The following PLCH2 variants were observed in gnomAD, a reference collection of about 807,000 sequenced individuals.
PLCH2 encodes the protein 1-phosphatidylinositol 4,5-bisphosphate phosphodiesterase eta-2.
In PLCH2, 98 loss-of-function variants were observed where a neutral mutation model predicts 134.7. The ratio of observed to expected loss-of-function variants is 0.73; its 90% CI spans 0.62 to 0.86. The LOEUF is 0.86. PLCH2 is among the 40% of genes least tolerant of loss of function. PLCH2 has a pLI of 0.00. For missense variants in PLCH2, 1,994 were observed against 1,986.6 expected (o/e 1.00, Z -0.07); for synonymous variants, 974 against 827.5 (o/e 1.18, Z -3.04).
Position 2,497,587 on chromosome 1 carries a change from C to G in PLCH2, c.2202C>G (p.Leu734=). 6.4e-7 allele frequency: 1 copy of G among 1,560,970 alleles called. No homozygotes were observed. The highest frequency in any genetic ancestry group is 8.7e-7 in the Non-Finnish European group (1 of 1,152,954). Residue 734 remains leucine, a synonymous_variant, in exon 16 of 22, where the codon CTC becomes CTG. Coordinates refer to ENST00000378486, the MANE Select transcript of PLCH2 (RefSeq NM_014638.4). ...CCAACGGTGGCTGCGGCTACGTACT[C>G]AAGCCTGGGTGCATGTGCCAGGGTG... ...FSANGGCGYV[L]KPGCMCQGVF...
chr1:2,499,383 G>T (rs1165234778), intron 19 of PLCH2, among the ~76,000 whole-genome samples, 153 bp downstream of exon 19: 4 of 152,186 alleles, frequency 2.6e-5, no homozygotes, highest in African/African-American at 9.7e-5. Flanking sequence ...GCCAGCCTGG[G>T]GATCTGCGGG....
At chr1:2,489,616 C>G in intron 9 of PLCH2, 144 bp from the exon 10 acceptor site, 1 of 745,170 alleles carries the variant, frequency 1.3e-6, no homozygotes, top group South Asian at 1.7e-5. Flanking sequence ...GCTGGCCAGT[C>G]TGGCCCCTGC....
Position 2,498,382 on chromosome 1 carries a change from C to G in PLCH2, c.2225-141C>G. ...TGCACCCCGAGGTGCCCCCCTGGAC[C>G]ACTGCCTCCCTCCCTCCCCCTGGCA... On this transcript the variant is annotated intron_variant, in intron 16 of 21. Transcript: ENST00000378486. The surrounding 1 kb of genome is among the most constrained non-coding windows in gnomAD (Gnocchi z 5.4). 2 of 920,968 alleles carry G rather than the reference C, an allele frequency of 2.2e-6. No individual in the cohort carries two copies. Among genetic ancestry groups the G allele is most frequent in the Non-Finnish European group, 3.2e-6 (2 of 620,150 alleles). The allele number at this position is 920,968 out of a possible 1,614,324, so 57.0% of individuals were successfully genotyped here.
chr1:2,497,129 C>T (rs1642939194), intron 15 of PLCH2, 119 bp downstream of exon 15: 1 of 981,242 alleles, frequency 1.0e-6, no homozygotes, highest in Non-Finnish European at 1.5e-6. Context: ...GGCTCTATTG[C>T]CCTTGGAGCC....
intron 1 of PLCH2, among the ~76,000 whole-genome samples, chr1:2,471,282 G>T (rs531066198): frequency 6.6e-6 from 1 of 152,312 alleles, no homozygotes; most frequent in African/African-American, 2.4e-5. Flanking sequence ...CCAGATGTTG[G>T]GGCCCCCTTG....
intron 2 of PLCH2, among the ~76,000 whole-genome samples, chr1:2,446,743 G>A (rs1320149605): frequency 6.6e-6 from 1 of 152,122 alleles, no homozygotes; most frequent in Non-Finnish European, 1.5e-5. Context: ...GAGGGGTTGG[G>A]CTGGCAGAGG....
chr1:2,449,977 G>A (rs1202249493), intron 2 of PLCH2, among the ~76,000 whole-genome samples: 3 of 152,186 alleles, frequency 2.0e-5, no homozygotes, highest in African/African-American at 4.8e-5. Flanking sequence ...CTGGGCTGCC[G>A]CCGCCAAGCT....
rs1287571399 is a variant in PLCH2 at position 2,444,664 on chromosome 1, CCTCCCCTCCG to C, written c.115+14042_115+14051del. ...GATGCCAAGGAGATAAGAGGCTTCC[CCTCCCCTCCG>C]CTCCCCGCCTCCCACACTGTCTGGT... On this transcript the variant is annotated intron_variant, in intron 2 of 3. Coordinates refer to the PLCH2 transcript ENST00000609981. This position sits in a 1 kb window ranked among gnomAD's most constrained non-coding sequence, Gnocchi z 4.6. 6.6e-6 allele frequency among the ~76,000 whole-genome samples: 1 copy of C among 152,102 alleles called. No individual in the cohort carries two copies. The highest frequency in any genetic ancestry group is 1.5e-5 in the Non-Finnish European group (1 of 67,986).
intron 3 of PLCH2, 86 bp from the exon 4 acceptor site, chr1:2,480,097 C>T (rs1282074590): frequency 2.1e-5 from 33 of 1,586,916 alleles, no homozygotes; most frequent in Middle Eastern, 3.4e-4. Flanking sequence ...AGGCTGGGGT[C>T]CCCTATTCCT....
intron 21 of PLCH2, 198 bp downstream of exon 21, chr1:2,502,607 C>G: frequency 1.4e-6 from 1 of 702,214 alleles, no homozygotes; most frequent in South Asian, 1.6e-5. Flanking sequence ...GGCAGCCATT[C>G]GCCAGCAGCC....
chr1:2,468,706 C>T (rs1352779660), intron 1 of PLCH2, among the ~76,000 whole-genome samples: 1 of 152,212 alleles, frequency 6.6e-6, no homozygotes, highest in African/African-American at 2.4e-5. Context: ...GCTTGTTCTG[C>T]CCTGTGATTG....
chr1:2,466,597 C>T (rs1641067451), upstream of PLCH2, among the ~76,000 whole-genome samples: 1 of 152,242 alleles, frequency 6.6e-6, no homozygotes, highest in Non-Finnish European at 1.5e-5. Flanking sequence ...TGCCTGCCTG[C>T]CCTGCCCACA....
intron 2 of PLCH2, among the ~76,000 whole-genome samples, chr1:2,455,231 C>G (rs542608764): frequency 5.3e-5 from 8 of 152,330 alleles, no homozygotes; most frequent in African/African-American, 1.9e-4. Flanking sequence ...CTAGGACGGG[C>G]GGGCACCTGG....
At chr1:2,420,097 G>A in the PLCH2 span, among the ~76,000 whole-genome samples, 13 of 149,052 alleles carry the variant, frequency 8.7e-5, no homozygotes, top group African/African-American at 3.0e-4. Context: ...CCCACTCCCC[G>A]CCATCTCTGG....
At chr1:2,487,105 G>A in intron 6 of PLCH2, 68 bp from the exon 7 acceptor site, 2 of 1,502,146 alleles carry the variant, frequency 1.3e-6, no homozygotes, top group Non-Finnish European at 1.8e-6. Context: ...GTGTGGCATG[G>A]GGGCAGGTGG....
At chr1:2,459,274 A>G (rs1373293087) in intron 2 of PLCH2, among the ~76,000 whole-genome samples, 1 of 151,760 alleles carries the variant, frequency 6.6e-6, no homozygotes, top group African/African-American at 2.4e-5. Flanking sequence ...TGCCCCTTGC[A>G]GCCTTGCCGG....
upstream of PLCH2, among the ~76,000 whole-genome samples, chr1:2,462,866 G>C (rs2100594057): frequency 6.6e-6 from 1 of 152,338 alleles, no homozygotes; most frequent in African/African-American, 2.4e-5. Context: ...GTGTCGGGGT[G>C]GTGGGGGTGG....
At chr1:2,449,408 C>T (rs113383952) in intron 2 of PLCH2, among the ~76,000 whole-genome samples, 10,795 of 152,262 alleles carry the variant, frequency 0.071, 543 homozygotes, top group Admixed American at 0.12. Flanking sequence ...AGGAGAATCG[C>T]TTGAACCTGG....
In PLCH2 at chr1:2,498,166, G is replaced by A; in HGVS notation, c.2225-357G>A. 1 of 302,956 alleles carries A rather than the reference G, an allele frequency of 3.3e-6. No individual in the cohort carries two copies. Among genetic ancestry groups the A allele is most frequent in the Non-Finnish European group, 6.2e-6 (1 of 161,610 alleles). The allele number at this position is 302,956 out of a possible 1,614,324, so 18.8% of individuals were successfully genotyped here. On this transcript the variant is annotated intron_variant, in intron 16 of 21. Transcript: ENST00000378486. The surrounding 1 kb of genome is among the most constrained non-coding windows in gnomAD (Gnocchi z 5.4). The stretch of plus-strand genomic sequence containing the variant: ...CCAGCTACTTCCACCTCTGCCCTTG[G>A]CTTGCCCTCCTCAGAGTTCTCAGCC...
Sources: allele counts gnomAD v4.1 joint callset (sites outside exome capture counted in the v4.1 genomes callset), GRCh38; gene constraint gnomAD v4.1.1; non-coding constraint Gnocchi (gnomAD v3.1); transcripts MANE v1.5; gene names NCBI Gene and HGNC (gene_info 2026-07-23, HGNC 2026-07-21).